Variants in MSRA observed in about 807,000 individuals in gnomAD.
MSRA encodes the protein methionine sulfoxide reductase A.
In MSRA, 54 loss-of-function variants were observed where a neutral mutation model predicts 31.3. That is an observed-to-expected ratio of 1.73 (90% CI 1.39 to 2.17). The LOEUF (loss-of-function observed/expected upper bound fraction) is 2.17, where lower values mean the gene tolerates loss of function less well. Among genes scored for constraint, MSRA ranks in the 30% most tolerant of loss-of-function variants. The probability of loss-of-function intolerance (pLI) is 0.00; values close to 1 mark genes in which losing one functional copy is unlikely to be tolerated. For synonymous variants in MSRA, 169 were observed against 116.5 expected, an observed-to-expected ratio of 1.45 and a Z score of -2.90; for missense variants, 507 against 300.9, an observed-to-expected ratio of 1.69 and a Z score of -5.07.
intron 1 of MSRA, among the ~76,000 whole-genome samples, chr8:10,189,071 C>T (rs1332537303): frequency 1.3e-5 from 2 of 152,040 alleles, no homozygotes; most frequent in Non-Finnish European, 2.9e-5. Flanking sequence ...AGGGTACAGA[C>T]CTTACTGACA....
intron 1 of MSRA, among the ~76,000 whole-genome samples, chr8:10,177,760 GA>G (rs1806186201): frequency 6.6e-6 from 1 of 152,176 alleles, no homozygotes; most frequent in African/African-American, 2.4e-5. Context: ...GGACAGCCCT[GA>G]AATTTCTTTA....
chr8:10,414,223 TG>T lies in MSRA; in HGVS notation c.544-13919del, dbSNP rs537801752. Among the ~76,000 whole-genome samples the T allele has an allele frequency of 1.9e-4, 29 of 152,104 alleles. 1 individual carries two copies. The East Asian group carries it at 5.4e-3, about 28-fold the overall frequency. On this transcript the variant is annotated intron_variant, in intron 5 of 5. Coordinates refer to ENST00000317173, the MANE Select transcript of MSRA (RefSeq NM_012331.5). ...TACCTCTCAATATAAAATGATTATCTGGGGGGATGGGCAAGAGCACAGTTTA... is the reference window on the plus strand; with the variant it reads ...TACCTCTCAATATAAAATGATTATCTGGGGGATGGGCAAGAGCACAGTTTA...
intron 5 of MSRA, among the ~76,000 whole-genome samples, chr8:10,379,483 G>T (rs1377069072): frequency 6.6e-6 from 1 of 152,124 alleles, no homozygotes; most frequent in Non-Finnish European, 1.5e-5. Flanking sequence ...CTGTGGCCTC[G>T]CCCCATGCCA....
chr8:10,422,901 A>G (rs1308537906), intron 5 of MSRA, among the ~76,000 whole-genome samples: 1 of 152,198 alleles, frequency 6.6e-6, no homozygotes, highest in African/African-American at 2.4e-5. Flanking sequence ...CTCATTCTCC[A>G]TCCCCAAAAG....
intron 2 of MSRA, among the ~76,000 whole-genome samples, chr8:10,217,817 CAT>C (rs1335452899): frequency 6.6e-6 from 1 of 152,154 alleles, no homozygotes; most frequent in Non-Finnish European, 1.5e-5. Flanking sequence ...CCTGTTGCCT[CAT>C]AAATGTTTTT....
intron 3 of MSRA, among the ~76,000 whole-genome samples, chr8:10,269,926 C>G (rs925642620): frequency 1.8e-4 from 28 of 152,206 alleles, no homozygotes; most frequent in Non-Finnish European, 3.1e-4. Flanking sequence ...GCTGGGATTA[C>G]AGGCGTGAGC....
chr8:10,341,627 G>A (rs1803432179), intron 5 of MSRA, among the ~76,000 whole-genome samples: 1 of 152,104 alleles, frequency 6.6e-6, no homozygotes, highest in Non-Finnish European at 1.5e-5. Flanking sequence ...ACTTAGTCTT[G>A]GGCATCAGAC....
intron 1 of MSRA, among the ~76,000 whole-genome samples, chr8:10,203,326 G>A (rs903993893): frequency 6.6e-6 from 1 of 152,128 alleles, no homozygotes; most frequent in African/African-American, 2.4e-5. Context: ...CAGGTCACCT[G>A]GCTGGGGAAA....
chr8:10,068,553 T>G (rs961961345), intron 1 of MSRA, among the ~76,000 whole-genome samples: 1 of 152,370 alleles, frequency 6.6e-6, no homozygotes, highest in South Asian at 2.1e-4. Flanking sequence ...AGCCCATTAG[T>G]TGAAATGACT....
rs367992438 is a variant in MSRA, at chr8:10,415,341, G to A, written c.544-12807G>A. ...GGAAGTAATGGGAAAACAAATGACG[G>A]CCACCCACTTCCTCTGGGTTCCCAC... On this transcript the variant is annotated intron_variant, in intron 5 of 5. Coordinates refer to ENST00000317173, the MANE Select transcript of MSRA (RefSeq NM_012331.5). Among the ~76,000 whole-genome samples the A allele has an allele frequency of 2.0e-5, 3 of 152,250 alleles. No individual in the cohort carries two copies. In the South Asian group the frequency reaches 6.2e-4, roughly 32 times the overall value.
intron 5 of MSRA, among the ~76,000 whole-genome samples, chr8:10,423,908 C>CTCATTCAT (rs145609986): frequency 1.5e-5 from 2 of 130,546 alleles, no homozygotes; most frequent in Admixed American, 7.2e-5. Flanking sequence ...AGTTCATTTT[C>CTCATTCAT]TCATTCATTC....
At chr8:10,387,588 T>G (rs1203259528) in intron 5 of MSRA, among the ~76,000 whole-genome samples, 1 of 152,170 alleles carries the variant, frequency 6.6e-6, no homozygotes, top group African/African-American at 2.4e-5. Flanking sequence ...AGAGTTCTTC[T>G]TAGCGCTGGT....
intron 1 of MSRA, among the ~76,000 whole-genome samples, chr8:10,104,523 T>C (rs1177455483): frequency 1.3e-5 from 2 of 152,098 alleles, no homozygotes; most frequent in African/African-American, 4.8e-5. Flanking sequence ...TAGGTAGATA[T>C]AAAAATTTTG....
At chr8:10,109,450 T>A (rs1800124144) in intron 1 of MSRA, among the ~76,000 whole-genome samples, 1 of 152,022 alleles carries the variant, frequency 6.6e-6, no homozygotes, top group Admixed American at 6.6e-5. Flanking sequence ...CAAACGATCC[T>A]TCCACCTCAG....
intron 3 of MSRA, among the ~76,000 whole-genome samples, chr8:10,259,218 C>G (rs954223275): frequency 6.6e-6 from 1 of 152,134 alleles, no homozygotes; most frequent in Admixed American, 6.5e-5. Context: ...TATGGCCACT[C>G]TCTGGCAAAA....
At chr8:10,345,602 C>A (rs1439612904) in intron 5 of MSRA, among the ~76,000 whole-genome samples, 1 of 152,156 alleles carries the variant, frequency 6.6e-6, no homozygotes, top group Non-Finnish European at 1.5e-5. Context: ...TATATTATTA[C>A]AAATAATAAT....
intron 5 of MSRA, among the ~76,000 whole-genome samples, chr8:10,335,106 G>C (rs1451981728): frequency 6.6e-6 from 1 of 152,190 alleles, no homozygotes; most frequent in Non-Finnish European, 1.5e-5. Context: ...CCCCCGCACC[G>C]TGCGCCCCAC....
intron 1 of MSRA, among the ~76,000 whole-genome samples, chr8:10,117,523 T>C (rs982544056): frequency 1.3e-5 from 2 of 152,210 alleles, no homozygotes; most frequent in Admixed American, 1.3e-4. Context: ...TTGATATACA[T>C]GTAAGTTTCT....
intron 3 of MSRA, among the ~76,000 whole-genome samples, chr8:10,295,573 GT>G (rs1800491820): frequency 1.3e-5 from 2 of 152,118 alleles, no homozygotes; most frequent in African/African-American, 4.8e-5. Context: ...CCCAAATCTC[GT>G]CTACATAAGA....
Sources: gnomAD v4.1 joint callset for allele counts (sites outside exome capture counted in the v4.1 genomes callset) on GRCh38, gnomAD v4.1.1 for gene constraint, MANE v1.5 for transcripts, NCBI Gene and HGNC (gene_info 2026-07-23, HGNC 2026-07-21) for gene names.